CREB1: variants seen among roughly 807,000 people sequenced by gnomAD.
CREB1 encodes the protein cAMP responsive element binding protein 1, also known as cyclic AMP-responsive element-binding protein 1.
CREB1 carries 2 observed loss-of-function variants against 42.0 expected under a neutral mutation model. The observed-to-expected ratio is 0.05, with a 90% CI of 0.02 to 0.15. CREB1 has a LOEUF of 0.15. Ranked by LOEUF, CREB1 falls within the 10% of genes least tolerant of loss-of-function variation. The pLI, the probability that CREB1 is intolerant of heterozygous loss-of-function variation, is 1.00. For synonymous variants in CREB1, 123 were observed against 139.9 expected (o/e 0.88, Z 0.85); for missense variants, 199 against 388.9 (o/e 0.51, Z 4.11).
chr2:207,558,451 C>T (rs1361754288), intron 2 of CREB1, among the ~76,000 whole-genome samples: 1 of 152,116 alleles, frequency 6.6e-6, no homozygotes, highest in Non-Finnish European at 1.5e-5. Context: ...TTTAACTATT[C>T]ATAAAGCCCT....
At chr2:207,561,443 A>G (rs1383368264) in intron 3 of CREB1, among the ~76,000 whole-genome samples, 1 of 152,158 alleles carries the variant, frequency 6.6e-6, no homozygotes, top group African/African-American at 2.4e-5. Flanking sequence ...CCTGTTTACA[A>G]TTAGGAGTGA....
intron 5 of CREB1, 85 bp downstream of exon 5, chr2:207,570,406 C>G: frequency 7.7e-7 from 1 of 1,300,990 alleles, no homozygotes; most frequent in Non-Finnish European, 1.1e-6. Context: ...TTCAGAGAAA[C>G]CAATACAAGT....
chr2:207,581,288 TAAA>T (rs1260399027), intron 7 of CREB1: 1 of 196,520 alleles, frequency 5.1e-6, no homozygotes. Flanking sequence ...TGAAAAATTC[TAAA>T]AAAATTAAAA....
intron 7 of CREB1, among the ~76,000 whole-genome samples, chr2:207,583,185 T>C (rs1368128853): frequency 6.6e-6 from 1 of 152,150 alleles, no homozygotes; most frequent in Non-Finnish European, 1.5e-5. Flanking sequence ...TATGCAAATA[T>C]AATGCCATTT....
rs1365133233 is a variant in CREB1, at chr2:207,560,975, T to G, written c.261+603T>G. 1.0e-5 allele frequency: 7 copies of G among 687,082 alleles called. No individual in the cohort carries two copies. In the East Asian group the frequency reaches 1.9e-4, roughly 19 times the overall value. The allele number at this position is 687,082 out of a possible 1,614,324, so 42.6% of individuals were successfully genotyped here. ...ACAGGTAATAAAGGCACTGTAGACCTTTGAAGGTGACTACTCTGTTTAACT... is the reference window on the plus strand; with the variant it reads ...ACAGGTAATAAAGGCACTGTAGACCGTTGAAGGTGACTACTCTGTTTAACT... On this transcript the variant is annotated intron_variant, in intron 3 of 7. Coordinates refer to ENST00000353267, the MANE Select transcript of CREB1 (RefSeq NM_004379.5).
Position 207,598,572 on chromosome 2 carries a change from C to T in CREB1, c.*1514C>T, listed in dbSNP as rs950167788. ...TTATAATTTCTCATTTGGAGCCGGG[C>T]GCAGTGGCTCACGCCTGTAATCCCA... On this transcript the variant is annotated 3_prime_UTR_variant, in exon 8 of 8. Coordinates refer to ENST00000353267, the MANE Select transcript of CREB1 (RefSeq NM_004379.5). The T allele has an allele frequency of 2.3e-5, 4 of 176,172 alleles. No individual in the cohort carries two copies. Among genetic ancestry groups the T allele is most frequent in the African/African-American group, 4.7e-5 (2 of 42,126 alleles). 10.9% of individuals were successfully genotyped at this position (176,172 alleles called of 1,614,324 possible). A position where few individuals can be genotyped will look rare whatever the true frequency, so the allele number is the denominator to read the frequency against.
intron 7 of CREB1, among the ~76,000 whole-genome samples, chr2:207,591,093 A>G (rs1324947277): frequency 6.6e-6 from 1 of 152,220 alleles, no homozygotes; most frequent in East Asian, 1.9e-4. Flanking sequence ...ATTATCAAGT[A>G]TCATATCAAT....
At chr2:207,583,243 C>T (rs1263969092) in intron 7 of CREB1, among the ~76,000 whole-genome samples, 3 of 151,982 alleles carry the variant, frequency 2.0e-5, no homozygotes, top group African/African-American at 7.3e-5. Context: ...CATGAGAGTT[C>T]CTGGGACCAA....
At chr2:207,552,042 C>A (rs1482821102) in intron 1 of CREB1, among the ~76,000 whole-genome samples, 136 of 69,886 alleles carry the variant, frequency 1.9e-3, no homozygotes, top group African/African-American at 5.2e-3. Context: ...AACTCCGTCT[C>A]AAAAAAAAAA....
intron 7 of CREB1, among the ~76,000 whole-genome samples, chr2:207,594,790 C>T (rs114536538): frequency 8.1e-4 from 123 of 152,100 alleles, no homozygotes; most frequent in African/African-American, 2.9e-3. Context: ...TTTGAGGAAC[C>T]TCCATTCCAT....
chr2:207,582,914 A>T (rs573459246), intron 7 of CREB1: 4 of 271,218 alleles, frequency 1.5e-5, no homozygotes, highest in South Asian at 3.5e-5. Context: ...AACAAACAAA[A>T]AAAAATATAT....
At chr2:207,537,682 A>G (rs1001113732) in intron 1 of CREB1, among the ~76,000 whole-genome samples, 2 of 152,236 alleles carry the variant, frequency 1.3e-5, no homozygotes, top group Admixed American at 6.5e-5. Context: ...CAAAACTTAA[A>G]TAAGAATAGA....
chr2:207,532,741 A>T (rs1290831531), intron 1 of CREB1, among the ~76,000 whole-genome samples: 1 of 150,428 alleles, frequency 6.6e-6, no homozygotes, highest in African/African-American at 2.4e-5. Flanking sequence ...TGTATTTTTT[A>T]TTTTTATTTT....
intron 3 of CREB1, 33 bp downstream of exon 3, chr2:207,560,405 A>T (rs1454957927): frequency 1.3e-6 from 2 of 1,597,060 alleles, no homozygotes; most frequent in African/African-American, 1.3e-5. Context: ...ATCTATTTTA[A>T]TAACTTTTGT....
rs1176810646 is a variant in CREB1, at chr2:207,599,254, T to C, written c.*2196T>C. 2.5e-5 allele frequency: 5 copies of C among 203,316 alleles called. No homozygotes were observed. Among genetic ancestry groups the C allele is most frequent in the Non-Finnish European group, 5.0e-5 (5 of 99,186 alleles). The allele number at this position is 203,316 out of a possible 1,614,324, so 12.6% of individuals were successfully genotyped here. A position where few individuals can be genotyped will look rare whatever the true frequency, so the allele number is the denominator to read the frequency against. On this transcript the variant is annotated 3_prime_UTR_variant, in exon 8 of 8. Transcript: ENST00000353267. ...TAAAAATTGTGTAACCGCATAGATA[T>C]GTCATTTTTAAAAACTGGTTTAACA... is the stretch of plus-strand genomic sequence containing the variant.
At chr2:207,558,153 T>TTAC (rs750158355) in intron 2 of CREB1, among the ~76,000 whole-genome samples, 12 of 152,180 alleles carry the variant, frequency 7.9e-5, no homozygotes, top group Non-Finnish European at 1.6e-4. Flanking sequence ...AAGTAAGGAC[T>TTAC]TTATTACTAT....
At chr2:207,544,840 T>C (rs1574784063) in intron 1 of CREB1, among the ~76,000 whole-genome samples, 1 of 152,152 alleles carries the variant, frequency 6.6e-6, no homozygotes, top group African/African-American at 2.4e-5. Context: ...TCTGTTCCTG[T>C]ATTAGTTTGC....
chr2:207,557,558 T>G (rs1042046724), intron 2 of CREB1, among the ~76,000 whole-genome samples: 2 of 152,078 alleles, frequency 1.3e-5, no homozygotes, highest in Non-Finnish European at 2.9e-5. Flanking sequence ...TATGGGCTCC[T>G]GTAGTCCCAG....
chr2:207,555,870 A>C (rs2081699390), intron 2 of CREB1, 121 bp downstream of exon 2: 1 of 601,456 alleles, frequency 1.7e-6, no homozygotes. Flanking sequence ...TTACAATATC[A>C]AAATTCCTAT....
Sources: allele counts gnomAD v4.1 joint callset (sites outside exome capture counted in the v4.1 genomes callset), GRCh38; gene constraint gnomAD v4.1.1; transcripts MANE v1.5; gene names NCBI Gene and HGNC (gene_info 2026-07-23, HGNC 2026-07-21).